Variants in SLC35F1 observed in about 807,000 individuals in gnomAD.
The protein encoded by SLC35F1 is chromosome 6 open reading frame 169.
Under a neutral mutation model 48.7 loss-of-function variants are expected in SLC35F1, and 14 were observed. That is an observed-to-expected ratio of 0.29 (90% CI 0.19 to 0.45). The LOEUF is 0.45. SLC35F1 is among the 20% of genes least tolerant of loss of function. The pLI is 1.00. For missense variants in SLC35F1, 404 were observed against 500.0 expected, an observed-to-expected ratio of 0.81 and a Z score of 1.83; for synonymous variants, 190 against 202.2, an observed-to-expected ratio of 0.94 and a Z score of 0.51.
chr6:117,930,249 A>G (rs1293839943), intron 1 of SLC35F1, among the ~76,000 whole-genome samples: 1 of 152,094 alleles, frequency 6.6e-6, no homozygotes, highest in Non-Finnish European at 1.5e-5. Flanking sequence ...GGCTAAAAGG[A>G]TGTTGTCTGG....
At chr6:118,160,954 A>G (rs1774221451) in intron 2 of SLC35F1, among the ~76,000 whole-genome samples, 1 of 151,056 alleles carries the variant, frequency 6.6e-6, no homozygotes, top group Non-Finnish European at 1.5e-5. Context: ...ATTAATTAAG[A>G]GGTAATTGTT....
At chr6:118,193,573 A>G (rs1267236964) in intron 2 of SLC35F1, among the ~76,000 whole-genome samples, 2 of 152,206 alleles carry the variant, frequency 1.3e-5, no homozygotes, top group Admixed American at 1.3e-4. Flanking sequence ...TTCTAAAAAT[A>G]CATTTTACTT....
chr6:118,307,119 AT>A (rs143003871), intron 7 of SLC35F1, among the ~76,000 whole-genome samples: 16,156 of 152,276 alleles, frequency 0.11, 951 homozygotes, highest in Middle Eastern at 0.19. Context: ...TGCTTGGAGA[AT>A]AAATCATTTC....
chr6:118,224,685 G>A, intron 2 of SLC35F1, among the ~76,000 whole-genome samples: 1 of 152,194 alleles, frequency 6.6e-6, no homozygotes, highest in Non-Finnish European at 1.5e-5. Context: ...AAATGGGATT[G>A]CTTTCTTGAT....
intron 1 of SLC35F1, among the ~76,000 whole-genome samples, chr6:117,982,652 C>T (rs780403225): frequency 6.6e-6 from 1 of 152,268 alleles, no homozygotes; most frequent in Non-Finnish European, 1.5e-5. Flanking sequence ...AGACTCCACT[C>T]TGCTTGGAAA....
chr6:117,907,772 C>T lies in SLC35F1; in HGVS notation c.46C>T (p.Pro16Ser), dbSNP rs1167373673. 1 of 1,561,078 alleles carries T rather than the reference C, an allele frequency of 6.4e-7. No homozygotes were observed. Among genetic ancestry groups the T allele is most frequent in the South Asian group, 1.1e-5 (1 of 88,016 alleles). ...GCAGCAGCAGCTGCAGCCGCCGTCGCCAGCCCCGCCGAACCATGTGGTGAC... is the reference window on the plus strand; with the variant it reads ...GCAGCAGCAGCTGCAGCCGCCGTCGTCAGCCCCGCCGAACCATGTGGTGAC... ...QPQQQLQPPS[P>S]APPNHVVTTI... Residue 16 changes from proline to serine, a missense_variant, in exon 1 of 8, where the codon CCA becomes TCA. By Grantham distance (74) the Pro-to-Ser change is moderately conservative. This residue lies in a region of SLC35F1 where 98 missense variants were observed against 81.0 expected (regional missense o/e 1.21). Transcript: ENST00000360388.
intron 6 of SLC35F1, among the ~76,000 whole-genome samples, chr6:118,282,419 T>A (rs1292995989): frequency 8.7e-6 from 1 of 114,484 alleles, no homozygotes; most frequent in African/African-American, 3.1e-5. Context: ...CTCTAATTTC[T>A]GCAACATTTA....
intron 2 of SLC35F1, among the ~76,000 whole-genome samples, chr6:118,186,148 T>TAC (rs370312081): frequency 9.9e-5 from 15 of 151,988 alleles, no homozygotes; most frequent in African/African-American, 2.9e-4. Flanking sequence ...CTGCTGCCTC[T>TAC]ACACACACAC....
chr6:118,182,873 A>T (rs1774603082), intron 2 of SLC35F1, among the ~76,000 whole-genome samples: 3 of 152,200 alleles, frequency 2.0e-5, no homozygotes, highest in Admixed American at 6.5e-5. Flanking sequence ...CAAAGACTAT[A>T]ATGTAAAATA....
intron 1 of SLC35F1, among the ~76,000 whole-genome samples, chr6:117,951,894 C>T (rs1261799514): frequency 6.6e-6 from 1 of 152,184 alleles, no homozygotes; most frequent in African/African-American, 2.4e-5. Context: ...GCGCCTAAAG[C>T]TATCCATTAA....
chr6:117,929,231 G>A (rs1403357279), intron 1 of SLC35F1, among the ~76,000 whole-genome samples: 1 of 151,524 alleles, frequency 6.6e-6, no homozygotes, highest in African/African-American at 2.4e-5. Context: ...TGGATTTGAG[G>A]CTAATCTCCC....
chr6:118,009,771 T>G (rs977910948), intron 1 of SLC35F1, among the ~76,000 whole-genome samples: 2 of 152,314 alleles, frequency 1.3e-5, no homozygotes, highest in African/African-American at 2.4e-5. Context: ...TTCCTTAGTA[T>G]AAATTTTATT....
chr6:118,305,808 G>A (rs1262150417), intron 7 of SLC35F1, among the ~76,000 whole-genome samples: 5 of 152,048 alleles, frequency 3.3e-5, no homozygotes, highest in Admixed American at 2.6e-4. Flanking sequence ...TGACAATTAC[G>A]GTCCTCGTTT....
At chr6:118,300,286 T>C (rs1209955065) in intron 7 of SLC35F1, among the ~76,000 whole-genome samples, 1 of 152,182 alleles carries the variant, frequency 6.6e-6, no homozygotes, top group Admixed American at 6.5e-5. Flanking sequence ...CGATTTAAAG[T>C]ATACAGGAAG....
At chr6:118,287,808 T>C (rs422833) in intron 7 of SLC35F1, among the ~76,000 whole-genome samples, 82,088 of 151,554 alleles carry the variant, frequency 0.54, 22,689 homozygotes, top group African/African-American at 0.63. Context: ...GCTGATACGC[T>C]AATTCTCGGC....
intron 2 of SLC35F1, among the ~76,000 whole-genome samples, chr6:118,226,833 A>G (rs1435997199): frequency 2.0e-5 from 3 of 152,354 alleles, no homozygotes; most frequent in African/African-American, 7.2e-5. Context: ...ACATTTCAAA[A>G]TAGCTAGAAG....
At chr6:117,917,908 C>T (rs1582560338) in intron 1 of SLC35F1, among the ~76,000 whole-genome samples, 1 of 152,138 alleles carries the variant, frequency 6.6e-6, no homozygotes, top group East Asian at 1.9e-4. Flanking sequence ...AGCAAAGGAA[C>T]TGGAGAAGGA....
At chr6:117,973,046 G>T (rs764834289) in intron 1 of SLC35F1, among the ~76,000 whole-genome samples, 15 of 152,278 alleles carry the variant, frequency 9.9e-5, no homozygotes, top group Middle Eastern at 6.8e-3. Flanking sequence ...AGACTAGGAG[G>T]CTTAAACAAT....
At position 117,923,752 on chromosome 6, in the gene SLC35F1, T is replaced by TATGTACAC. The variant is rs1554216757; in HGVS notation, c.173+15855_173+15856insGTACACAT. On this transcript the variant is annotated intron_variant, in intron 1 of 7. Coordinates refer to ENST00000360388, the MANE Select transcript of SLC35F1 (RefSeq NM_001029858.4). The stretch of plus-strand genomic sequence containing the variant: ...ATATGTATATATACATATATGTACA[T>TATGTACAC]ATATACATATGCACATACATATGTA... Among the ~76,000 whole-genome samples, 8 of 57,004 alleles carry TATGTACAC rather than the reference T, an allele frequency of 1.4e-4. 4 individuals carry two copies. The highest frequency in any genetic ancestry group is 5.6e-4 in the Admixed American group (2 of 3,554). 37.4% of individuals were successfully genotyped at this position (57,004 alleles called of 152,430 possible).
Sources: gnomAD v4.1 joint callset for allele counts (sites outside exome capture counted in the v4.1 genomes callset) on GRCh38, gnomAD v4.1.1 for gene constraint, gnomAD v4.1.1 regional missense constraint, MANE v1.5 for transcripts, NCBI Gene and HGNC (gene_info 2026-07-23, HGNC 2026-07-21) for gene names.